ADAMTS19: variants seen among roughly 807,000 people sequenced by gnomAD.
ADAMTS19 encodes the protein A disintegrin and metalloproteinase with thrombospondin motifs 19.
A neutral mutation model predicts 153.3 loss-of-function variants in ADAMTS19; 93 were observed. The observed-to-expected ratio is 0.61, with a 90% confidence interval of 0.51 to 0.72. The LOEUF is 0.72. Ranked by LOEUF, ADAMTS19 falls within the 30% of genes least tolerant of loss-of-function variation. ADAMTS19 has a pLI of 0.00. For synonymous variants in ADAMTS19, 600 were observed against 556.6 expected (o/e 1.08, Z -1.10); for missense variants, 1,482 against 1,552.1 (o/e 0.95, Z 0.76).
At chr5:129,583,376 C>T (rs796075332) in intron 7 of ADAMTS19, among the ~76,000 whole-genome samples, 2 of 151,998 alleles carry the variant, frequency 1.3e-5, no homozygotes, top group African/African-American at 4.8e-5. Context: ...GTGAATCTGA[C>T]GATTATGTGT....
At chr5:129,474,301 C>T (rs1750157102) in intron 2 of ADAMTS19, among the ~76,000 whole-genome samples, 1 of 151,982 alleles carries the variant, frequency 6.6e-6, no homozygotes, top group South Asian at 2.1e-4. Context: ...ATTCATTCAT[C>T]AGTTGGTGGG....
At chr5:129,563,735 C>G (rs1016932435) in intron 7 of ADAMTS19, among the ~76,000 whole-genome samples, 1 of 152,136 alleles carries the variant, frequency 6.6e-6, no homozygotes, top group Non-Finnish European at 1.5e-5. Context: ...GTGATTAACA[C>G]AGGAAGCTTC....
intron 16 of ADAMTS19, among the ~76,000 whole-genome samples, chr5:129,673,945 C>T (rs1270587644): frequency 6.6e-6 from 1 of 151,930 alleles, no homozygotes; most frequent in East Asian, 1.9e-4. Flanking sequence ...ATAATATGGC[C>T]ATTGGCCGGG....
chr5:129,470,856 T>C (rs2126650188), intron 2 of ADAMTS19, among the ~76,000 whole-genome samples: 1 of 149,466 alleles, frequency 6.7e-6, no homozygotes, highest in South Asian at 2.1e-4. Context: ...TTAAAATAAA[T>C]GAAATCTAAA....
intron 3 of ADAMTS19, among the ~76,000 whole-genome samples, chr5:129,510,696 T>C (rs1171394267): frequency 6.6e-6 from 1 of 151,812 alleles, no homozygotes; most frequent in African/African-American, 2.4e-5. Flanking sequence ...ATTGTTAAGT[T>C]CCAGCTGTTC....
intron 6 of ADAMTS19, among the ~76,000 whole-genome samples, chr5:129,545,840 G>A (rs2126808432): frequency 6.6e-6 from 1 of 150,612 alleles, no homozygotes; most frequent in East Asian, 1.9e-4. Flanking sequence ...ATTCCTCAGG[G>A]ATCTAGAACT....
chr5:129,654,072 T>C (rs1753433616), intron 13 of ADAMTS19, among the ~76,000 whole-genome samples: 1 of 152,174 alleles, frequency 6.6e-6, no homozygotes, highest in South Asian at 2.1e-4. Context: ...AAATGATACA[T>C]TTTAAGGTAA....
chr5:129,661,903 AT>A (rs1443168017), intron 15 of ADAMTS19, among the ~76,000 whole-genome samples: 1 of 152,052 alleles, frequency 6.6e-6, no homozygotes, highest in African/African-American at 2.4e-5. Flanking sequence ...AGTGTTAACT[AT>A]TTTTTTCTAT....
At chr5:129,544,386 C>A (rs913479301) in intron 6 of ADAMTS19, among the ~76,000 whole-genome samples, 1 of 152,050 alleles carries the variant, frequency 6.6e-6, no homozygotes, top group Non-Finnish European at 1.5e-5. Context: ...TAAAAAAGGC[C>A]TATGGCTTGT....
chr5:129,466,176 C>G (rs1049472285), intron 2 of ADAMTS19, among the ~76,000 whole-genome samples: 6 of 152,266 alleles, frequency 3.9e-5, no homozygotes, highest in Admixed American at 1.3e-4. Flanking sequence ...TCTCTACTCT[C>G]AAAAGATGAG....
intron 17 of ADAMTS19, among the ~76,000 whole-genome samples, chr5:129,682,559 G>A (rs893630047): frequency 1.3e-5 from 2 of 152,076 alleles, no homozygotes; most frequent in African/African-American, 2.4e-5. Context: ...CAAATAGCTG[G>A]TATTTACATG....
intron 6 of ADAMTS19, among the ~76,000 whole-genome samples, chr5:129,547,036 A>G (rs1752885716): frequency 6.6e-6 from 1 of 150,970 alleles, no homozygotes. Flanking sequence ...CCCTGCAAAG[A>G]TGTTTATGCT....
At chr5:129,681,303 G>C (rs1754799928) in intron 17 of ADAMTS19, among the ~76,000 whole-genome samples, 1 of 152,032 alleles carries the variant, frequency 6.6e-6, no homozygotes, top group Non-Finnish European at 1.5e-5. Context: ...TGCTGCTACT[G>C]GTCCACAAAC....
At chr5:129,490,627 A>G (rs1750732361) in intron 2 of ADAMTS19, among the ~76,000 whole-genome samples, 1 of 152,176 alleles carries the variant, frequency 6.6e-6, no homozygotes, top group African/African-American at 2.4e-5. Context: ...AATATAGAAT[A>G]AATACTGGCC....
rs1054853799 is a variant in ADAMTS19, at chr5:129,577,641, C to T, written c.1373-18918C>T. Among the ~76,000 whole-genome samples the T allele has an allele frequency of 2.0e-5, 3 of 152,132 alleles. No homozygotes were observed. The South Asian group carries it at 6.2e-4, about 32-fold the overall frequency. On this transcript the variant is annotated intron_variant, in intron 7 of 22. Coordinates refer to ENST00000274487, the MANE Select transcript of ADAMTS19 (RefSeq NM_133638.6). ...CCAGTCAAGAGGTCCTAAGATGTAACGATGCTTGCTCACATTTGAGAAATG... is the reference window on the plus strand; with the variant it reads ...CCAGTCAAGAGGTCCTAAGATGTAATGATGCTTGCTCACATTTGAGAAATG...
chr5:129,465,342 G>A (rs1749819345), intron 2 of ADAMTS19, among the ~76,000 whole-genome samples: 1 of 138,090 alleles, frequency 7.2e-6, no homozygotes, highest in Admixed American at 7.4e-5. Flanking sequence ...ATGCTTATAA[G>A]CGCTGGGCCA....
Position 129,608,116 on chromosome 5 carries a change from G to GTGTGTGTA in ADAMTS19, c.1478+11453_1478+11454insGTGTGTAT, listed in dbSNP as rs377008786. On this transcript the variant is annotated intron_variant, in intron 8 of 22. Coordinates refer to ENST00000274487, the MANE Select transcript of ADAMTS19 (RefSeq NM_133638.6). ...TGTGTGTGTGTGTGTGTGTGTGTGT[G>GTGTGTGTA]TATATATATATATATATATATATAA... 8.4e-3 allele frequency among the ~76,000 whole-genome samples: 405 copies of GTGTGTGTA among 47,954 alleles called. 5 individuals are homozygous for GTGTGTGTA. Among genetic ancestry groups the GTGTGTGTA allele is most frequent in the African/African-American group, 0.02 (370 of 18,450 alleles). The allele number at this position is 47,954 out of a possible 152,430, so 31.5% of individuals were successfully genotyped here. A position where few individuals can be genotyped will look rare whatever the true frequency, so the allele number is the denominator to read the frequency against.
intron 3 of ADAMTS19, among the ~76,000 whole-genome samples, chr5:129,524,293 AC>A (rs1471841346): frequency 6.6e-6 from 1 of 152,184 alleles, no homozygotes; most frequent in Non-Finnish European, 1.5e-5. Flanking sequence ...TACACACTAT[AC>A]AAAAATTCAC....
chr5:129,587,087 TCTC>T (rs1749843811), intron 7 of ADAMTS19, among the ~76,000 whole-genome samples: 1 of 152,090 alleles, frequency 6.6e-6, no homozygotes, highest in African/African-American at 2.4e-5. Context: ...ACTATTTATC[TCTC>T]CTCCTATGTT....
Sources: allele counts gnomAD v4.1 joint callset (sites outside exome capture counted in the v4.1 genomes callset), GRCh38; gene constraint gnomAD v4.1.1; transcripts MANE v1.5; gene names NCBI Gene and HGNC (gene_info 2026-07-23, HGNC 2026-07-21).